HGD: variants seen among roughly 807,000 people sequenced by gnomAD.
HGD encodes the protein homogentisate 1,2-dioxygenase.
Under a neutral mutation model 60.8 loss-of-function variants are expected in HGD, and 61 were observed. The observed-to-expected ratio is 1.00, with a 90% CI of 0.82 to 1.24. The LOEUF (loss-of-function observed/expected upper bound fraction) is 1.24, where lower values mean the gene tolerates loss of function less well. HGD is among the 50% of genes most tolerant of loss of function. The probability of loss-of-function intolerance (pLI) is 0.00; values close to 1 mark genes in which losing one functional copy is unlikely to be tolerated. For missense variants in HGD, 542 were observed against 547.1 expected (o/e 0.99, Z 0.09); for synonymous variants, 212 against 187.7 (o/e 1.13, Z -1.06).
chr3:120,638,381 T>C, intron 12 of HGD, 74 bp downstream of exon 12: 1 of 1,578,530 alleles, frequency 6.3e-7, no homozygotes, highest in Non-Finnish European at 8.7e-7. Flanking sequence ...CCAGGCATTA[T>C]TCCCAATGTG....
rs758874223 is a variant in HGD, at chr3:120,650,752, T to C, written c.434+22A>G. The C allele has an allele frequency of 3.8e-5, 60 of 1,580,432 alleles. No individual in the cohort carries two copies. The Middle Eastern group carries it at 1.2e-3, about 31-fold the overall frequency. On this transcript the variant is annotated intron_variant, in intron 6 of 13. Transcript: ENST00000283871. ...ATCCCTTAGAAGATGGGCATGTCCT[T>C]CCCTAGAACTGAGCCACTTACCTGT...
At chr3:120,639,810 G>A (rs757746693) in intron 11 of HGD, among the ~76,000 whole-genome samples, 10 of 152,140 alleles carry the variant, frequency 6.6e-5, no homozygotes, top group Non-Finnish European at 4.4e-5. Flanking sequence ...ATTTACATCC[G>A]TAGTCTTCAT....
rs561368262 is a variant in HGD, at chr3:120,670,330, ACTAT to A, written c.282+93_282+96del. On this transcript the variant is annotated intron_variant, in intron 4 of 13. Coordinates refer to ENST00000283871, the MANE Select transcript of HGD (RefSeq NM_000187.4). Reference sequence around the variant, plus strand: ...ATTTATTAAAATAATACTTTAAAAAACTATCTATTTTTTCCAATGACCATGGTAT... The same window carrying A: ...ATTTATTAAAATAATACTTTAAAAAACTATTTTTTCCAATGACCATGGTAT... 5,555 of 776,280 alleles carry A rather than the reference ACTAT, an allele frequency of 7.2e-3. 34 individuals are homozygous for A. The highest frequency in any genetic ancestry group is 0.01 in the Non-Finnish European group (4,364 of 421,840). 48.1% of individuals were successfully genotyped at this position (776,280 alleles called of 1,614,324 possible).
intron 4 of HGD, among the ~76,000 whole-genome samples, chr3:120,655,248 C>T (rs569166757): frequency 2.0e-5 from 3 of 152,280 alleles, no homozygotes; most frequent in East Asian, 3.9e-4. Flanking sequence ...TCAAGGTCTT[C>T]TGTAGCACAT....
Position 120,675,920 on chromosome 3 carries a change from A to G in HGD, c.16-57T>C, listed in dbSNP as rs182756650. 1.4e-4 allele frequency: 192 copies of G among 1,371,350 alleles called. No homozygotes were observed. The East Asian group carries it at 3.0e-3, about 21-fold the overall frequency. 84.9% of individuals were successfully genotyped at this position (1,371,350 alleles called of 1,614,324 possible). A position where few individuals can be genotyped will look rare whatever the true frequency, so the allele number is the denominator to read the frequency against. On this transcript the variant is annotated intron_variant, in intron 1 of 13. Coordinates refer to ENST00000283871, the MANE Select transcript of HGD (RefSeq NM_000187.4). ...TAGCAGGATTTAAAGAGCATTTCAG[A>G]AAATTGGCAGTTTACTAAGGTAAGA...
At chr3:120,669,636 T>C (rs940475058) in intron 4 of HGD, among the ~76,000 whole-genome samples, 2 of 152,198 alleles carry the variant, frequency 1.3e-5, no homozygotes, top group African/African-American at 4.8e-5. Context: ...TAAAACTGTG[T>C]TCAAGTAAGT....
At chr3:120,673,982 G>T (rs1319141816) in intron 3 of HGD, among the ~76,000 whole-genome samples, 1 of 152,174 alleles carries the variant, frequency 6.6e-6, no homozygotes, top group South Asian at 2.1e-4. Context: ...TACTTAGGGG[G>T]CCTGCCTCCA....
rs1223952810 is a variant in HGD, at chr3:120,666,406, C to T, written c.282+4021G>A. On this transcript the variant is annotated intron_variant, in intron 4 of 13. Transcript: ENST00000283871. ...AGGTTAGAATGGGAGACATGGGAAG[C>T]GGGGAGAAGGGGAACAAATATGGGC... Among the ~76,000 whole-genome samples, 6 of 152,052 alleles carry T rather than the reference C, an allele frequency of 3.9e-5. No homozygotes were observed. The South Asian group carries it at 6.3e-4, about 16-fold the overall frequency.
At chr3:120,638,727 G>C in intron 11 of HGD, 146 bp from the exon 12 acceptor site, 1 of 905,854 alleles carries the variant, frequency 1.1e-6, no homozygotes, top group Admixed American at 2.1e-5. Context: ...TTAGATAGAG[G>C]GATACATATG....
intron 11 of HGD, 49 bp downstream of exon 11, chr3:120,641,540 C>A: frequency 8.7e-7 from 1 of 1,149,288 alleles, no homozygotes; most frequent in Non-Finnish European, 1.3e-6. Context: ...TGGACCCCTC[C>A]CACCCAAGCG....
intron 11 of HGD, among the ~76,000 whole-genome samples, chr3:120,639,436 C>G (rs1355367370): frequency 6.6e-6 from 1 of 152,150 alleles, no homozygotes; most frequent in East Asian, 1.9e-4. Flanking sequence ...GCAATAATCA[C>G]TCATATGACT....
chr3:120,644,075 A>T (rs902284850), intron 10 of HGD, among the ~76,000 whole-genome samples: 40 of 152,186 alleles, frequency 2.6e-4, no homozygotes, highest in African/African-American at 9.4e-4. Flanking sequence ...AGTCAGACAG[A>T]TATGGGTTCA....
chr3:120,661,745 C>A (rs1172636386), intron 4 of HGD, among the ~76,000 whole-genome samples: 1 of 152,098 alleles, frequency 6.6e-6, no homozygotes, highest in Non-Finnish European at 1.5e-5. Flanking sequence ...GCAAGCTGTC[C>A]AAAAGGGCTG....
At chr3:120,667,439 A>G (rs1453724060) in intron 4 of HGD, among the ~76,000 whole-genome samples, 3 of 151,712 alleles carry the variant, frequency 2.0e-5, no homozygotes. Context: ...GAAAGGGTGT[A>G]TTCATGTTAA....
intron 3 of HGD, among the ~76,000 whole-genome samples, chr3:120,673,132 C>T (rs551680151): frequency 6.6e-6 from 1 of 152,194 alleles, no homozygotes; most frequent in East Asian, 1.9e-4. Flanking sequence ...CCACAAAATT[C>T]TTGTGGATAT....
At position 120,655,102 on chromosome 3, in the gene HGD, A is replaced by AAAAC. The variant is rs577484390; in HGVS notation, c.283-2455_283-2452dup. On this transcript the variant is annotated intron_variant, in intron 4 of 13. Coordinates refer to ENST00000283871, the MANE Select transcript of HGD (RefSeq NM_000187.4). ...AAAAAACAACAAAAACAACAACAAC[A>AAAAC]AAACAAACAAACAAACAAAAACCTT... 2.2e-3 allele frequency among the ~76,000 whole-genome samples: 341 copies of AAAAC among 152,198 alleles called. 2 individuals are homozygous for AAAAC. The highest frequency in any genetic ancestry group is 3.5e-3 in the Non-Finnish European group (235 of 67,986).
chr3:120,630,835 CACACACAT>C (rs1559780498), intron 13 of HGD, among the ~76,000 whole-genome samples: 32 of 76,604 alleles, frequency 4.2e-4, no homozygotes, highest in Admixed American at 2.0e-3. Flanking sequence ...TACACATACA[CACACACAT>C]ACACACACAC....
intron 1 of HGD, among the ~76,000 whole-genome samples, chr3:120,678,750 T>G (rs899326207): frequency 2.6e-5 from 4 of 152,098 alleles, no homozygotes; most frequent in African/African-American, 9.7e-5. Flanking sequence ...GTTTTTCTAA[T>G]CCCCTGAGAG....
chr3:120,638,661 A>G, intron 11 of HGD, 80 bp from the exon 12 acceptor site: 1 of 1,514,482 alleles, frequency 6.6e-7, no homozygotes. Flanking sequence ...TGCATACATG[A>G]AGGTGTTTGC....
Sources: gnomAD v4.1 joint callset for allele counts (sites outside exome capture counted in the v4.1 genomes callset) on GRCh38, gnomAD v4.1.1 for gene constraint, MANE v1.5 for transcripts, NCBI Gene and HGNC (gene_info 2026-07-23, HGNC 2026-07-21) for gene names.